The following TTC23L variants were observed in gnomAD, a reference collection of about 807,000 sequenced individuals.
TTC23L encodes tetratricopeptide repeat domain 23 like, also known as tetratricopeptide repeat protein 23-like.
A neutral mutation model predicts 48.1 loss-of-function variants in TTC23L; 42 were observed. That is an observed-to-expected ratio of 0.87 (90% CI 0.68 to 1.13). The LOEUF is 1.13. Ranked by LOEUF, TTC23L falls within the 50% of genes most tolerant of loss-of-function variation. The pLI is 0.00. For synonymous variants in TTC23L, 159 were observed against 157.2 expected (o/e 1.01, Z -0.09); for missense variants, 391 against 421.0 (o/e 0.93, Z 0.62).
intron 9 of TTC23L, among the ~76,000 whole-genome samples, chr5:34,881,086 C>G (rs1429772338): frequency 6.6e-6 from 1 of 152,168 alleles, no homozygotes; most frequent in South Asian, 2.1e-4. Flanking sequence ...GAATAATACA[C>G]AGGGCTTAGG....
At chr5:34,909,411 G>A in the TTC23L span, 1 of 1,260,164 alleles carries the variant, frequency 7.9e-7, no homozygotes, top group Non-Finnish European at 1.1e-6. Context: ...ACCACATTAG[G>A]ATCCAAATAA....
chr5:34,891,860 A>G (rs1428059008), intron 9 of TTC23L, among the ~76,000 whole-genome samples: 5 of 152,200 alleles, frequency 3.3e-5, no homozygotes, highest in Non-Finnish European at 7.3e-5. Flanking sequence ...AAAAATTAGG[A>G]GATCTAATTC....
the TTC23L span, chr5:34,914,356 G>A: frequency 3.2e-6 from 1 of 312,140 alleles, no homozygotes; most frequent in African/African-American, 2.2e-5. Flanking sequence ...AATAATAACA[G>A]AACCTACCTT....
the TTC23L span, chr5:34,921,907 CA>C: frequency 0.052 from 1,843 of 35,366 alleles, 5 homozygotes; most frequent in Middle Eastern, 0.088. Context: ...AACTGCATCG[CA>C]AAAAAAAAAA....
At chr5:34,921,414 A>G in the TTC23L span, 1 of 152,256 alleles carries the variant, frequency 6.6e-6, no homozygotes, top group African/African-American at 2.4e-5. Context: ...TTGTGATCTT[A>G]GAATCAAAAA....
At chr5:34,916,164 T>G in the TTC23L span, 2 of 350,034 alleles carry the variant, frequency 5.7e-6, no homozygotes, top group African/African-American at 4.2e-5. Flanking sequence ...TCCAGCGTTC[T>G]TTCTTACTAG....
the TTC23L span, among the ~76,000 whole-genome samples, chr5:34,910,319 T>C: frequency 1.3e-5 from 2 of 152,214 alleles, no homozygotes; most frequent in Non-Finnish European, 2.9e-5. Context: ...TTTTACTTCA[T>C]TCCACTGCTA....
chr5:34,852,534 G>A (rs1759760161), intron 4 of TTC23L, among the ~76,000 whole-genome samples: 1 of 152,174 alleles, frequency 6.6e-6, no homozygotes, highest in Admixed American at 6.5e-5. Context: ...AGACCAGTTA[G>A]GCCGTTATCC....
rs1170812897 is a variant in TTC23L, at chr5:34,853,062, T to C, written c.379+2754T>C. On this transcript the variant is annotated intron_variant, in intron 4 of 10. Coordinates refer to ENST00000505624, the Ensembl canonical transcript of TTC23L. ...CACGTGGGGATTATGGGAGCCACAATTCCTGGTGAGATTTGGGTGAGGACA... is the reference window on the plus strand; with the variant it reads ...CACGTGGGGATTATGGGAGCCACAACTCCTGGTGAGATTTGGGTGAGGACA... Among the ~76,000 whole-genome samples, 3 of 152,178 alleles carry C rather than the reference T, an allele frequency of 2.0e-5. No individual in the cohort carries two copies. The East Asian group carries it at 5.8e-4, about 29-fold the overall frequency.
At chr5:34,839,542 T>G in intron 1 of TTC23L, 1 of 762,606 alleles carries the variant, frequency 1.3e-6, no homozygotes, top group Non-Finnish European at 1.6e-6. Context: ...AGTCCGGGAG[T>G]TTGAGAGATC....
the TTC23L span, chr5:34,911,471 A>C: frequency 6.7e-7 from 1 of 1,499,124 alleles, no homozygotes; most frequent in East Asian, 2.3e-5. Flanking sequence ...GTGGATAATA[A>C]AAATTTTGCA....
chr5:34,894,883 A>ATGATG (rs1561160710), intron 9 of TTC23L, among the ~76,000 whole-genome samples: 17 of 150,934 alleles, frequency 1.1e-4, no homozygotes, highest in South Asian at 6.3e-4. Context: ...TGAGAGTGTT[A>ATGATG]ATGATGATGA....
At chr5:34,920,891 GTC>G in the TTC23L span, 3 of 151,908 alleles carry the variant, frequency 2.0e-5, no homozygotes, top group Non-Finnish European at 4.4e-5. Flanking sequence ...GGAGACAAAA[GTC>G]TCTCTCTGTT....
chr5:34,904,314 G>A (rs1290736819), downstream of TTC23L, among the ~76,000 whole-genome samples: 4 of 150,672 alleles, frequency 2.7e-5, no homozygotes, highest in Middle Eastern at 3.4e-3. Context: ...TTATGTAAAC[G>A]GCTGGGTGTG....
At chr5:34,903,249 T>C (rs1763553580), downstream of TTC23L, among the ~76,000 whole-genome samples, 2 of 152,230 alleles carry the variant, frequency 1.3e-5, no homozygotes, top group South Asian at 2.1e-4. Context: ...TACTGAATCA[T>C]ATAATTTTAA....
At chr5:34,914,175 C>T in the TTC23L span, 1 of 310,568 alleles carries the variant, frequency 3.2e-6, no homozygotes. Flanking sequence ...TCTATTACAA[C>T]CAGTAAAGGA....
chr5:34,913,606 T>C, the TTC23L span: 1 of 1,409,044 alleles, frequency 7.1e-7, no homozygotes, highest in East Asian at 2.3e-5. Context: ...ATGAAAATTG[T>C]TACATAAAAG....
intron 9 of TTC23L, chr5:34,880,703 A>G: frequency 2.8e-6 from 1 of 360,552 alleles, no homozygotes; most frequent in Non-Finnish European, 5.3e-6. Context: ...CAGTGGGGCG[A>G]TCTCGGCTCA....
At chr5:34,860,383 A>G (rs1443460479) in intron 4 of TTC23L, among the ~76,000 whole-genome samples, 2 of 152,210 alleles carry the variant, frequency 1.3e-5, no homozygotes, top group African/African-American at 4.8e-5. Flanking sequence ...TAAAGATTTT[A>G]CTAACTATGT....
Sources: allele counts gnomAD v4.1 joint callset (sites outside exome capture counted in the v4.1 genomes callset), GRCh38; gene constraint gnomAD v4.1.1; transcripts MANE v1.5; gene names NCBI Gene and HGNC (gene_info 2026-07-23, HGNC 2026-07-21).